FSTL4: variants seen among roughly 807,000 people sequenced by gnomAD.
FSTL4 encodes follistatin like 4.
FSTL4 carries 28 observed loss-of-function variants against 78.2 expected under a neutral mutation model. The ratio of observed to expected loss-of-function variants is 0.36; its 90% confidence interval spans 0.27 to 0.49. FSTL4 has a LOEUF of 0.49. FSTL4 is among the 20% of genes least tolerant of loss of function. FSTL4 has a pLI of 0.98. For missense variants in FSTL4, 922 were observed against 1,084.9 expected, an observed-to-expected ratio of 0.85 and a Z score of 2.11; for synonymous variants, 422 against 440.5, an observed-to-expected ratio of 0.96 and a Z score of 0.53.
rs534257420 is a variant in FSTL4, at chr5:133,250,036, T to G, written c.728-460A>C. 1.2e-3 allele frequency among the ~76,000 whole-genome samples: 179 copies of G among 152,236 alleles called. 1 individual carries two copies. The highest frequency in any genetic ancestry group is 1.8e-3 in the Non-Finnish European group (120 of 68,036). On this transcript the variant is annotated intron_variant, in intron 6 of 15. Coordinates refer to ENST00000265342, the MANE Select transcript of FSTL4 (RefSeq NM_015082.2). ...TCCATCTGGGGTCAGTTTTAAAGGT[T>G]GCGCTGTCTGAAGTCTGGGGAATGA...
At chr5:133,567,320 T>C (rs766170724) in intron 2 of FSTL4, 101 bp from the exon 3 acceptor site, 1 of 877,502 alleles carries the variant, frequency 1.1e-6, no homozygotes, top group Non-Finnish European at 1.9e-6. Flanking sequence ...TATGAAAAGG[T>C]GAACAATCTA....
chr5:133,319,541 T>A (rs907660871), intron 4 of FSTL4, among the ~76,000 whole-genome samples: 1 of 152,018 alleles, frequency 6.6e-6, no homozygotes, highest in African/African-American at 2.4e-5. Flanking sequence ...GTGGGGCACG[T>A]CTGGAGACTG....
In FSTL4 at chr5:133,198,237, C is replaced by T. The variant is rs1750200270; in HGVS notation, c.*858G>A. The T allele has an allele frequency of 6.6e-6, 1 of 152,560 alleles. No individual in the cohort carries two copies. Among genetic ancestry groups the T allele is most frequent in the African/African-American group, 2.4e-5 (1 of 41,426 alleles). The allele number at this position is 152,560 out of a possible 1,614,324, so 9.5% of individuals were successfully genotyped here. A position where few individuals can be genotyped will look rare whatever the true frequency, so the allele number is the denominator to read the frequency against. On this transcript the variant is annotated 3_prime_UTR_variant, in exon 16 of 16. Transcript: ENST00000265342. ...CTGTGCTGAAAGGAGGCACACAGAACTTGTTCTGGTTTTTTGGGGTCCCAA... is the reference window on the plus strand; with the variant it reads ...CTGTGCTGAAAGGAGGCACACAGAATTTGTTCTGGTTTTTTGGGGTCCCAA...
At chr5:133,368,208 G>C (rs1210607304) in intron 4 of FSTL4, among the ~76,000 whole-genome samples, 1 of 152,236 alleles carries the variant, frequency 6.6e-6, no homozygotes, top group Non-Finnish European at 1.5e-5. Flanking sequence ...TGTGGTGTCA[G>C]CTCAACCTCT....
the FSTL4 span, among the ~76,000 whole-genome samples, chr5:133,765,446 T>C: frequency 0.66 from 99,943 of 152,138 alleles, 33,130 homozygotes; most frequent in African/African-American, 0.7. Context: ...GGGGCAGACA[T>C]TCAAAAAACC....
chr5:133,665,506 C>T, the FSTL4 span, among the ~76,000 whole-genome samples: 14 of 152,282 alleles, frequency 9.2e-5, no homozygotes, highest in African/African-American at 3.1e-4. Context: ...ATTCTAAGCC[C>T]GACATGCCTC....
At chr5:133,232,980 C>T (rs781678176) in intron 8 of FSTL4, among the ~76,000 whole-genome samples, 28 of 152,216 alleles carry the variant, frequency 1.8e-4, no homozygotes, top group Non-Finnish European at 3.5e-4. Flanking sequence ...AAGCCCTTGT[C>T]GGAGGAAATA....
intron 4 of FSTL4, among the ~76,000 whole-genome samples, chr5:133,395,747 C>T (rs1434135341): frequency 6.6e-6 from 1 of 152,206 alleles, no homozygotes; most frequent in African/African-American, 2.4e-5. Flanking sequence ...TCCCCACACT[C>T]TCAACCTAGC....
At chr5:133,300,436 C>T (rs951070089) in intron 6 of FSTL4, among the ~76,000 whole-genome samples, 7 of 152,146 alleles carry the variant, frequency 4.6e-5, no homozygotes, top group African/African-American at 1.7e-4. Context: ...AACCAGGAGT[C>T]GACTCCACTG....
chr5:133,390,505 G>C (rs560898835), intron 4 of FSTL4, among the ~76,000 whole-genome samples: 1 of 152,360 alleles, frequency 6.6e-6, no homozygotes, highest in African/African-American at 2.4e-5. Flanking sequence ...CTGGGCACAA[G>C]CTCACCTACA....
chr5:133,352,099 T>C (rs573553810), intron 4 of FSTL4, among the ~76,000 whole-genome samples: 1 of 151,878 alleles, frequency 6.6e-6, no homozygotes, highest in South Asian at 2.1e-4. Context: ...GTTACAAAGG[T>C]ATACTGTGTG....
chr5:133,638,454 T>C, the FSTL4 span, among the ~76,000 whole-genome samples: 50 of 152,048 alleles, frequency 3.3e-4, no homozygotes, highest in African/African-American at 1.2e-3. Context: ...CCAACTGGGG[T>C]CCTACTTCTC....
At chr5:133,543,511 G>A (rs1206405608) in intron 3 of FSTL4, among the ~76,000 whole-genome samples, 1 of 152,016 alleles carries the variant, frequency 6.6e-6, no homozygotes, top group African/African-American at 2.4e-5. Context: ...TTATCTTCCT[G>A]GTGAATTTAA....
intron 1 of FSTL4, among the ~76,000 whole-genome samples, chr5:133,607,662 A>C (rs1378861910): frequency 6.6e-6 from 1 of 152,252 alleles, no homozygotes; most frequent in East Asian, 1.9e-4. Context: ...TTTGATAAAC[A>C]GTTGTTTTTA....
intron 1 of FSTL4, among the ~76,000 whole-genome samples, chr5:133,607,213 G>A (rs1244381230): frequency 1.3e-5 from 2 of 152,052 alleles, no homozygotes; most frequent in Admixed American, 6.6e-5. Flanking sequence ...TATACTTAAC[G>A]GTGATTGACA....
the FSTL4 span, among the ~76,000 whole-genome samples, chr5:133,809,580 C>T: frequency 6.6e-6 from 1 of 150,760 alleles, no homozygotes; most frequent in Non-Finnish European, 1.5e-5. Context: ...ATAAAGTCCA[C>T]CCCCCAAGTC....
chr5:133,573,872 T>C (rs1760216564), intron 2 of FSTL4, among the ~76,000 whole-genome samples: 2 of 152,240 alleles, frequency 1.3e-5, no homozygotes, highest in African/African-American at 4.8e-5. Context: ...GTTGGACGTA[T>C]CTTAGAACAT....
chr5:133,648,838 T>C, the FSTL4 span, among the ~76,000 whole-genome samples: 1 of 152,136 alleles, frequency 6.6e-6, no homozygotes, highest in Non-Finnish European at 1.5e-5. Context: ...AGTGGGACAT[T>C]GGTTACAATC....
At chr5:133,715,498 ACAGAC>A in the FSTL4 span, among the ~76,000 whole-genome samples, 18 of 152,362 alleles carry the variant, frequency 1.2e-4, no homozygotes, top group Non-Finnish European at 2.4e-4. Context: ...GAACATTTGC[ACAGAC>A]AGAAAGGCAT....
Sources: allele counts gnomAD v4.1 joint callset (sites outside exome capture counted in the v4.1 genomes callset), GRCh38; gene constraint gnomAD v4.1.1; transcripts MANE v1.5; gene names NCBI Gene and HGNC (gene_info 2026-07-23, HGNC 2026-07-21).